The following ZBTB20 variants were observed in gnomAD, a reference collection of about 807,000 sequenced individuals.
ZBTB20 encodes the protein zinc finger and BTB domain-containing protein 20.
ZBTB20 carries 9 observed loss-of-function variants against 56.9 expected under a neutral mutation model. The ratio of observed to expected loss-of-function variants is 0.16; its 90% CI spans 0.10 to 0.28. ZBTB20 has a LOEUF of 0.28. Among genes scored for constraint, ZBTB20 ranks in the 10% least tolerant of loss-of-function variants. ZBTB20 has a pLI of 1.00. For missense variants in ZBTB20, 655 were observed against 1,003.0 expected (o/e 0.65, Z 4.69); for synonymous variants, 417 against 420.7 (o/e 0.99, Z 0.11).
chr3:114,750,052 A>G (rs532557652), intron 5 of ZBTB20, among the ~76,000 whole-genome samples: 1 of 152,354 alleles, frequency 6.6e-6, no homozygotes, highest in African/African-American at 2.4e-5. Context: ...AGATTTTTTA[A>G]TGACATTTCC....
chr3:114,476,148 T>C (rs2040737504), intron 7 of ZBTB20, among the ~76,000 whole-genome samples: 1 of 152,214 alleles, frequency 6.6e-6, no homozygotes, highest in Non-Finnish European at 1.5e-5. Context: ...GTTCATACTA[T>C]TATAGGTTCT....
intron 2 of ZBTB20, among the ~76,000 whole-genome samples, chr3:115,022,548 G>C (rs1370294048): frequency 1.3e-5 from 2 of 151,028 alleles, no homozygotes; most frequent in East Asian, 3.9e-4. Flanking sequence ...ACAGAGCCAA[G>C]TTTATTGCCA....
intron 7 of ZBTB20, among the ~76,000 whole-genome samples, chr3:114,433,357 T>C (rs1209431238): frequency 1.3e-5 from 2 of 152,234 alleles, no homozygotes; most frequent in African/African-American, 4.8e-5. Context: ...TACTTTATTC[T>C]ATACTTTTAA....
chr3:114,626,961 C>T (rs750125292), intron 6 of ZBTB20, among the ~76,000 whole-genome samples: 35 of 152,188 alleles, frequency 2.3e-4, no homozygotes, highest in Non-Finnish European at 4.7e-4. Flanking sequence ...ATGCCTCCCA[C>T]AATAATGGCA....
chr3:115,146,939 T>TCGGGCGAGGCAGCCGCCGGGC lies in ZBTB20; in HGVS notation c.-703+259_-703+279dup, dbSNP rs2085006215. ...GCCTCCCTCCCACCTCCCCGCCGGG[T>TCGGGCGAGGCAGCCGCCGGGC]CGGGCGAGGCAGCCGCCGGGCGCTA... On this transcript the variant is annotated intron_variant, in intron 1 of 11. Coordinates refer to ENST00000675478, the MANE Select transcript of ZBTB20 (RefSeq NM_001348800.3). Among the ~76,000 whole-genome samples the TCGGGCGAGGCAGCCGCCGGGC allele has an allele frequency of 4.7e-5, 7 of 149,764 alleles. No individual in the cohort carries two copies. The South Asian group carries it at 8.5e-4, about 18-fold the overall frequency.
intron 3 of ZBTB20, among the ~76,000 whole-genome samples, chr3:114,960,265 C>T (rs1224180382): frequency 6.6e-6 from 1 of 152,098 alleles, no homozygotes; most frequent in Non-Finnish European, 1.5e-5. Context: ...AAGCACAAAA[C>T]TATGTTAGAT....
chr3:115,135,679 T>C (rs1414941274), intron 1 of ZBTB20, among the ~76,000 whole-genome samples: 2 of 152,200 alleles, frequency 1.3e-5, no homozygotes, highest in South Asian at 2.1e-4. Context: ...CAGCTATTTA[T>C]ATAGGAATTA....
At position 114,751,480 on chromosome 3, in the gene ZBTB20, T is replaced by C. The variant is rs763214694; in HGVS notation, c.-343+49621A>G. The stretch of plus-strand genomic sequence containing the variant: ...ATTCAATAAAGATTCTTTAGTCACC[T>C]ACTATGTGGCACCTGCTAGGATAGT... On this transcript the variant is annotated intron_variant, in intron 5 of 11. Transcript: ENST00000675478. 4.8e-4 allele frequency among the ~76,000 whole-genome samples: 73 copies of C among 152,266 alleles called. 1 individual carries two copies. The highest frequency in any genetic ancestry group is 3.4e-3 in the Middle Eastern group (1 of 294).
rs149290415 is a variant in ZBTB20 at position 115,124,906 on chromosome 3, A to AT, written c.-703+22312dup. Among the ~76,000 whole-genome samples the AT allele has an allele frequency of 7.8e-3, 1,186 of 152,208 alleles. 14 individuals carry two copies. The highest frequency in any genetic ancestry group is 0.027 in the African/African-American group (1,106 of 41,518). ...TCTGTATGAGAACATAAAAATTAAG[A>AT]TTTTTATGTTTATTAGAATACCCTA... On this transcript the variant is annotated intron_variant, in intron 1 of 11. Coordinates refer to ENST00000675478, the MANE Select transcript of ZBTB20 (RefSeq NM_001348800.3).
intron 4 of ZBTB20, among the ~76,000 whole-genome samples, 194 bp from the exon 5 acceptor site, chr3:114,801,368 G>GT (rs1187396941): frequency 5.8e-5 from 7 of 119,874 alleles, no homozygotes; most frequent in Non-Finnish European, 1.0e-4. Context: ...TCCCAGAGTA[G>GT]TTTTTTAATG....
intron 4 of ZBTB20, among the ~76,000 whole-genome samples, chr3:114,807,390 T>C (rs1404886852): frequency 6.6e-6 from 1 of 151,960 alleles, no homozygotes; most frequent in Admixed American, 6.6e-5. Flanking sequence ...GATTGTTTCT[T>C]TCTGCTGGTC....
intron 7 of ZBTB20, among the ~76,000 whole-genome samples, chr3:114,460,452 A>G (rs1367236943): frequency 6.6e-6 from 1 of 152,200 alleles, no homozygotes; most frequent in African/African-American, 2.4e-5. Context: ...AAAGGTTCTT[A>G]TAAGAGAGAG....
At chr3:114,888,094 T>TAA (rs1386967202) in intron 4 of ZBTB20, among the ~76,000 whole-genome samples, 4 of 139,014 alleles carry the variant, frequency 2.9e-5, no homozygotes, top group Non-Finnish European at 4.7e-5. Flanking sequence ...AATTGGTCAT[T>TAA]AAAAAAAAAA....
chr3:114,405,088 GA>G (rs946849710), intron 7 of ZBTB20, among the ~76,000 whole-genome samples: 8 of 149,242 alleles, frequency 5.4e-5, no homozygotes, highest in South Asian at 4.3e-4. Flanking sequence ...CTCATAGGAG[GA>G]AAAAAAAAAT....
At chr3:114,707,944 C>T (rs768812447) in intron 5 of ZBTB20, among the ~76,000 whole-genome samples, 10 of 152,144 alleles carry the variant, frequency 6.6e-5, no homozygotes, top group Non-Finnish European at 1.0e-4. Flanking sequence ...CCTTATCAAT[C>T]ATGGTACTTG....
intron 6 of ZBTB20, among the ~76,000 whole-genome samples, chr3:114,589,601 ATAAT>A (rs2055537572): frequency 6.6e-6 from 1 of 152,206 alleles, no homozygotes; most frequent in Admixed American, 6.5e-5. Flanking sequence ...GGCCTTATAA[ATAAT>A]TATACCAAGA....
intron 4 of ZBTB20, among the ~76,000 whole-genome samples, chr3:114,858,094 CTTCA>C (rs1399527757): frequency 2.0e-5 from 3 of 152,140 alleles, no homozygotes; most frequent in Admixed American, 1.3e-4. Flanking sequence ...AGTGTGAGGT[CTTCA>C]TTCATAAAAC....
intron 2 of ZBTB20, among the ~76,000 whole-genome samples, chr3:115,053,903 T>C (rs558631668): frequency 8.5e-5 from 13 of 152,264 alleles, no homozygotes; most frequent in Non-Finnish European, 1.6e-4. Context: ...GTTTAGTCTG[T>C]GGTTGGTTTA....
chr3:114,922,700 G>T (rs1261911378), intron 3 of ZBTB20, among the ~76,000 whole-genome samples: 1 of 152,174 alleles, frequency 6.6e-6, no homozygotes. Context: ...TTCCACTCAT[G>T]GCAGAAGGTA....
Sources: gnomAD v4.1 joint callset for allele counts (sites outside exome capture counted in the v4.1 genomes callset) on GRCh38, gnomAD v4.1.1 for gene constraint, MANE v1.5 for transcripts, NCBI Gene and HGNC (gene_info 2026-07-23, HGNC 2026-07-21) for gene names.